The following ENOX1 variants were observed in gnomAD, a reference collection of about 807,000 sequenced individuals.
ENOX1 encodes the protein ecto-NOX disulfide-thiol exchanger 1, also known as candidate growth-related and time keeping constitutive hydroquinone (NADH) oxidase.
ENOX1 carries 42 observed loss-of-function variants against 82.5 expected under a neutral mutation model. The ratio of observed to expected loss-of-function variants is 0.51; its 90% confidence interval spans 0.40 to 0.66. The LOEUF is 0.66. Ranked by LOEUF, ENOX1 falls within the 30% of genes least tolerant of loss-of-function variation. ENOX1 has a pLI of 0.00. For synonymous variants in ENOX1, 271 were observed against 282.2 expected, an observed-to-expected ratio of 0.96 and a Z score of 0.40; for missense variants, 608 against 811.6, an observed-to-expected ratio of 0.75 and a Z score of 3.05.
intron 2 of ENOX1, among the ~76,000 whole-genome samples, chr13:43,666,394 TA>T (rs2084980284): frequency 6.6e-6 from 1 of 152,164 alleles, no homozygotes; most frequent in African/African-American, 2.4e-5. Flanking sequence ...ATGATCGAGT[TA>T]AGATAAGGTC....
At chr13:43,601,649 AAC>A (rs1303814005) in intron 2 of ENOX1, among the ~76,000 whole-genome samples, 1 of 152,158 alleles carries the variant, frequency 6.6e-6, no homozygotes, top group African/African-American at 2.4e-5. Flanking sequence ...AAGGGATAAT[AAC>A]ACAGAACTTT....
intron 3 of ENOX1, among the ~76,000 whole-genome samples, chr13:43,477,459 T>A (rs2058335844): frequency 6.6e-6 from 1 of 152,130 alleles, no homozygotes; most frequent in South Asian, 2.1e-4. Context: ...GCTGTTCTAG[T>A]AAGTCTAACT....
intron 1 of ENOX1, among the ~76,000 whole-genome samples, chr13:43,734,551 G>C (rs981277156): frequency 6.6e-6 from 1 of 152,170 alleles, no homozygotes; most frequent in African/African-American, 2.4e-5. Flanking sequence ...TCCTCCTGGA[G>C]GAGGCAACAA....
intron 2 of ENOX1, among the ~76,000 whole-genome samples, chr13:43,630,835 CCA>C (rs139634908): frequency 1.5e-5 from 2 of 134,314 alleles, no homozygotes; most frequent in Non-Finnish European, 3.3e-5. Context: ...ATACATACAA[CCA>C]CACACACACA....
In ENOX1 at chr13:43,470,332, A is replaced by G. The variant is rs1282500093; in HGVS notation, c.-75+13677T>C. 2.7e-3 allele frequency among the ~76,000 whole-genome samples: 107 copies of G among 40,150 alleles called. 5 individuals carry two copies. Among genetic ancestry groups the G allele is most frequent in the African/African-American group, 6.2e-3 (67 of 10,840 alleles). 26.3% of individuals were successfully genotyped at this position (40,150 alleles called of 152,430 possible). A position where few individuals can be genotyped will look rare whatever the true frequency, so the allele number is the denominator to read the frequency against. ...CATATATATACACATATATATATGT[A>G]TATATATACGTATATATATATGTAT... is the stretch of plus-strand genomic sequence containing the variant. On this transcript the variant is annotated intron_variant, in intron 3 of 16. Coordinates refer to ENST00000690772, the MANE Select transcript of ENOX1 (RefSeq NM_001347969.2).
intron 1 of ENOX1, among the ~76,000 whole-genome samples, chr13:43,728,473 T>C (rs957351752): frequency 1.3e-5 from 2 of 152,202 alleles, no homozygotes; most frequent in African/African-American, 4.8e-5. Flanking sequence ...ACAGTACTAC[T>C]CATCTCTCTG....
intron 1 of ENOX1, among the ~76,000 whole-genome samples, chr13:43,750,851 C>T (rs575035663): frequency 8.5e-4 from 130 of 152,286 alleles, no homozygotes; most frequent in Non-Finnish European, 1.5e-3. Context: ...TGGAAATTCT[C>T]CTCTTATTTA....
At chr13:43,325,931 C>T (rs986876779) in intron 10 of ENOX1, among the ~76,000 whole-genome samples, 1 of 152,092 alleles carries the variant, frequency 6.6e-6, no homozygotes, top group Admixed American at 6.6e-5. Context: ...ACTCCCCTTA[C>T]AACATTGGAT....
At chr13:43,451,639 A>G (rs1429093381) in intron 3 of ENOX1, among the ~76,000 whole-genome samples, 3 of 152,222 alleles carry the variant, frequency 2.0e-5, no homozygotes, top group Non-Finnish European at 4.4e-5. Context: ...TTATTAAAAA[A>G]GATACGTACA....
chr13:43,655,578 G>A (rs1325091933), intron 2 of ENOX1, among the ~76,000 whole-genome samples: 4 of 152,000 alleles, frequency 2.6e-5, no homozygotes, highest in Non-Finnish European at 4.4e-5. Context: ...TCATCTACCC[G>A]AATGTCATGT....
chr13:43,603,915 G>A (rs1215449511), intron 2 of ENOX1, among the ~76,000 whole-genome samples: 4 of 104,116 alleles, frequency 3.8e-5, no homozygotes, highest in African/African-American at 1.7e-4. Flanking sequence ...TAATGGGATG[G>A]CTGGGTCAAA....
intron 2 of ENOX1, among the ~76,000 whole-genome samples, chr13:43,624,950 C>A (rs1389413994): frequency 1.3e-5 from 2 of 152,198 alleles, no homozygotes; most frequent in South Asian, 4.1e-4. Context: ...ATAGGAATTG[C>A]TACCAATATC....
chr13:43,779,805 T>C (rs1468703058), intron 1 of ENOX1, among the ~76,000 whole-genome samples: 1 of 152,160 alleles, frequency 6.6e-6, no homozygotes, highest in Non-Finnish European at 1.5e-5. Flanking sequence ...ACACATTGAA[T>C]CTGTGCACTT....
chr13:43,754,981 G>T (rs933370364), intron 1 of ENOX1, among the ~76,000 whole-genome samples: 14 of 151,740 alleles, frequency 9.2e-5, no homozygotes. Context: ...TAACAATGCA[G>T]CATTTCCTGC....
At chr13:43,476,354 C>A (rs1222220715) in intron 3 of ENOX1, among the ~76,000 whole-genome samples, 3 of 151,926 alleles carry the variant, frequency 2.0e-5, no homozygotes, top group African/African-American at 7.3e-5. Flanking sequence ...ACATCTGGAA[C>A]CTTTAACAAC....
At chr13:43,682,667 A>C (rs537285970) in intron 1 of ENOX1, among the ~76,000 whole-genome samples, 2 of 152,248 alleles carry the variant, frequency 1.3e-5, no homozygotes, top group South Asian at 4.1e-4. Context: ...TTGAGCCAAG[A>C]TTTGAAAGTT....
At chr13:43,422,068 G>C (rs2055010305) in intron 3 of ENOX1, among the ~76,000 whole-genome samples, 1 of 151,808 alleles carries the variant, frequency 6.6e-6, no homozygotes, top group Admixed American at 6.6e-5. Context: ...AATGAGGGTG[G>C]AGGGATTTTT....
intron 11 of ENOX1, among the ~76,000 whole-genome samples, chr13:43,308,492 T>G (rs1235018296): frequency 6.6e-6 from 1 of 152,226 alleles, no homozygotes; most frequent in African/African-American, 2.4e-5. Flanking sequence ...CTTTGTTCAT[T>G]AAAATGATTT....
chr13:43,219,946 T>A (rs1298477473), intron 16 of ENOX1, among the ~76,000 whole-genome samples: 1 of 152,262 alleles, frequency 6.6e-6, no homozygotes, highest in Admixed American at 6.5e-5. Flanking sequence ...AACTGACTTC[T>A]AGCCTTTAAA....
Sources: gnomAD v4.1 joint callset for allele counts (sites outside exome capture counted in the v4.1 genomes callset) on GRCh38, gnomAD v4.1.1 for gene constraint, MANE v1.5 for transcripts, NCBI Gene and HGNC (gene_info 2026-07-23, HGNC 2026-07-21) for gene names.